JAZF1: variants seen among roughly 807,000 people sequenced by gnomAD.
The protein encoded by JAZF1 is JAZF zinc finger 1, also known as juxtaposed with another zinc finger protein 1.
A neutral mutation model predicts 26.4 loss-of-function variants in JAZF1; 8 were observed. That is an observed-to-expected ratio of 0.30 (90% CI 0.18 to 0.55). The LOEUF is 0.55. JAZF1 is among the 20% of genes least tolerant of loss of function. The pLI, the probability that JAZF1 is intolerant of heterozygous loss-of-function variation, is 0.94. For missense variants in JAZF1, 199 were observed against 322.0 expected (o/e 0.62, Z 2.92); for synonymous variants, 126 against 122.3 (o/e 1.03, Z -0.20).
At chr7:28,041,566 T>C (rs1177540418) in intron 1 of JAZF1, among the ~76,000 whole-genome samples, 2 of 152,096 alleles carry the variant, frequency 1.3e-5, no homozygotes, top group Non-Finnish European at 2.9e-5. Flanking sequence ...CTCTTTACTT[T>C]CCAAGACATG....
At chr7:27,972,632 T>C (rs1785393591) in intron 2 of JAZF1, among the ~76,000 whole-genome samples, 1 of 152,182 alleles carries the variant, frequency 6.6e-6, no homozygotes, top group Non-Finnish European at 1.5e-5. Flanking sequence ...TTAATCCACA[T>C]TGCAGGATTA....
At chr7:27,851,721 A>C (rs1018947686) in intron 3 of JAZF1, among the ~76,000 whole-genome samples, 8 of 152,138 alleles carry the variant, frequency 5.3e-5, no homozygotes, top group African/African-American at 1.9e-4. Context: ...AAAACGAATC[A>C]CACCAATGAT....
chr7:27,928,622 C>G (rs956430538), intron 2 of JAZF1, among the ~76,000 whole-genome samples: 1 of 152,170 alleles, frequency 6.6e-6, no homozygotes, highest in Non-Finnish European at 1.5e-5. Context: ...TGAGTTACAG[C>G]CTTCTAACAG....
chr7:28,136,749 G>T (rs1490328635), intron 1 of JAZF1, among the ~76,000 whole-genome samples: 2 of 151,900 alleles, frequency 1.3e-5, no homozygotes, highest in Admixed American at 6.5e-5. Flanking sequence ...TGCATGAAGA[G>T]ACCCAATTCT....
chr7:28,006,934 G>C (rs545592715), intron 1 of JAZF1, among the ~76,000 whole-genome samples: 4 of 152,090 alleles, frequency 2.6e-5, no homozygotes, highest in Non-Finnish European at 4.4e-5. Flanking sequence ...ATTAAAATAA[G>C]CATTATGTAA....
intron 1 of JAZF1, among the ~76,000 whole-genome samples, chr7:28,097,839 G>A (rs1440633813): frequency 6.6e-6 from 1 of 152,184 alleles, no homozygotes; most frequent in African/African-American, 2.4e-5. Flanking sequence ...GAAATGCCAT[G>A]ACTCCCAGCA....
intron 3 of JAZF1, chr7:27,841,068 GA>G: frequency 1.8e-6 from 1 of 556,820 alleles, no homozygotes; most frequent in South Asian, 2.3e-5. Context: ...TCCCACCTAA[GA>G]GACCAGGGCA....
rs780714391 is a variant in JAZF1, at chr7:27,832,959, C to T, written c.573G>A (p.Lys191=). Residue 191 remains lysine (K), a synonymous_variant, in exon 5 of 5, where the codon AAG becomes AAA. Transcript: ENST00000283928. ...TTCTGTGACCATTCTTAGCGTGATA[C>T]TTTATGCCATTCACATTCTGTGGAG... ...KKRYKNVNGI[K]YHAKNGHRTQ... 6.3e-7 allele frequency: 1 copy of T among 1,590,980 alleles called. No individual in the cohort carries two copies. The highest frequency in any genetic ancestry group is 8.5e-7 in the Non-Finnish European group (1 of 1,169,662).
intron 1 of JAZF1, among the ~76,000 whole-genome samples, chr7:28,062,865 T>C (rs1049005635): frequency 1.3e-5 from 2 of 152,228 alleles, no homozygotes; most frequent in African/African-American, 4.8e-5. Context: ...TGACCCAGAC[T>C]GACACTGTTT....
intron 1 of JAZF1, among the ~76,000 whole-genome samples, chr7:28,091,383 C>A (rs774905239): frequency 6.6e-6 from 1 of 151,784 alleles, no homozygotes; most frequent in Admixed American, 6.6e-5. Context: ...ATTTATGAGG[C>A]ATTTTCCCTT....
intron 1 of JAZF1, among the ~76,000 whole-genome samples, chr7:28,167,707 A>G (rs1186125533): frequency 2.0e-5 from 3 of 152,152 alleles, no homozygotes; most frequent in African/African-American, 7.2e-5. Flanking sequence ...TTTTTTTCCC[A>G]GGGGAAGGAA....
intron 1 of JAZF1, among the ~76,000 whole-genome samples, chr7:28,111,688 T>C (rs1784663536): frequency 6.6e-6 from 1 of 152,244 alleles, no homozygotes; most frequent in Non-Finnish European, 1.5e-5. Context: ...ATATTGTTAC[T>C]TATTATTAGC....
chr7:27,864,369 C>T (rs1033328746), intron 3 of JAZF1, among the ~76,000 whole-genome samples: 9 of 152,188 alleles, frequency 5.9e-5, no homozygotes, highest in South Asian at 2.1e-4. Context: ...AAAATGCACA[C>T]CCTAGGAAAA....
chr7:27,856,600 G>A (rs966997883), intron 3 of JAZF1, among the ~76,000 whole-genome samples: 2 of 152,172 alleles, frequency 1.3e-5, no homozygotes, highest in African/African-American at 4.8e-5. Flanking sequence ...GGTGCTGATT[G>A]GTGCGTTTAC....
In JAZF1 at chr7:27,914,249, G is replaced by T. The variant is rs114271855; in HGVS notation, c.189-18833C>A. ...CTCCATTTCACAAGTAGTTATGGAG[G>T]TACCTGTACGTGGGCTGAGGGGACA... On this transcript the variant is annotated intron_variant, in intron 2 of 4. Coordinates refer to ENST00000283928, the MANE Select transcript of JAZF1 (RefSeq NM_175061.4). Among the ~76,000 whole-genome samples, 407 of 152,302 alleles carry T rather than the reference G, an allele frequency of 2.7e-3. 1 individual carries two copies. Among genetic ancestry groups the T allele is most frequent in the African/African-American group, 9.4e-3 (391 of 41,558 alleles).
chr7:27,971,044 T>A (rs1785366783), intron 2 of JAZF1, among the ~76,000 whole-genome samples: 1 of 152,194 alleles, frequency 6.6e-6, no homozygotes. Context: ...TAGTAGGCAT[T>A]CAAAAGAAGC....
intron 1 of JAZF1, among the ~76,000 whole-genome samples, chr7:28,018,636 T>G (rs1025882153): frequency 6.6e-6 from 1 of 152,178 alleles, no homozygotes; most frequent in African/African-American, 2.4e-5. Context: ...TTCACTGTTC[T>G]GAGAAACCTG....
chr7:27,959,139 G>A (rs1384670484), intron 2 of JAZF1, among the ~76,000 whole-genome samples: 2 of 152,176 alleles, frequency 1.3e-5, no homozygotes, highest in Admixed American at 6.5e-5. Context: ...GCTGTAACCT[G>A]CCAAGGGAAC....
intron 2 of JAZF1, among the ~76,000 whole-genome samples, chr7:27,909,290 G>A (rs1258177716): frequency 6.8e-6 from 1 of 146,204 alleles, no homozygotes; most frequent in East Asian, 1.9e-4. Context: ...AACCCAATTA[G>A]TCTGAGTGCT....
Sources: allele counts gnomAD v4.1 joint callset (sites outside exome capture counted in the v4.1 genomes callset), GRCh38; gene constraint gnomAD v4.1.1; transcripts MANE v1.5; gene names NCBI Gene and HGNC (gene_info 2026-07-23, HGNC 2026-07-21).